Variants in ATP6V0D2 observed in about 807,000 individuals in gnomAD.
ATP6V0D2 encodes the protein ATPase H+ transporting V0 subunit d2.
ATP6V0D2 carries 40 observed loss-of-function variants against 40.0 expected under a neutral mutation model. That is an observed-to-expected ratio of 1.00 (90% CI 0.78 to 1.30). The LOEUF is 1.30. ATP6V0D2 is among the 50% of genes most tolerant of loss of function. ATP6V0D2 has a pLI of 0.00. For synonymous variants in ATP6V0D2, 179 were observed against 156.3 expected, an observed-to-expected ratio of 1.15 and a Z score of -1.08; for missense variants, 470 against 423.1, an observed-to-expected ratio of 1.11 and a Z score of -0.97.
rs768131338 is a variant in ATP6V0D2, at chr8:86,139,482, A to T, written c.328A>T (p.Ile110Phe). The T allele has an allele frequency of 1.9e-6, 3 of 1,612,110 alleles. No individual in the cohort carries two copies. Among genetic ancestry groups the T allele is most frequent in the African/African-American group, 2.7e-5 (2 of 74,812 alleles). The change falls in exon 3 of 8, where the codon ATT becomes TTT. Residue 110 changes from isoleucine (I) to phenylalanine (F), a missense_variant. By Grantham distance (21) the Ile-to-Phe change is conservative. Coordinates refer to ENST00000285393, the MANE Select transcript of ATP6V0D2 (RefSeq NM_152565.1). ...GTGCAGTTATATGATAGACAATGTG[A>T]TTCTGCTGATGAATGGTGCATTGCA... is the stretch of plus-strand genomic sequence containing the variant. ...MTCSYMIDNVILLMNGALQKK... is the reference protein window; with the variant it reads ...MTCSYMIDNVFLLMNGALQKK...
rs1818615481 is a variant in ATP6V0D2, at chr8:86,118,030, T to TTTTTTCTTTCTTTC, written c.302+4153_302+4166dup. 2.2e-5 allele frequency among the ~76,000 whole-genome samples: 3 copies of TTTTTTCTTTCTTTC among 137,842 alleles called. No individual in the cohort carries two copies. The South Asian group carries it at 7.8e-4, about 36-fold the overall frequency. 90.4% of individuals were successfully genotyped at this position (137,842 alleles called of 152,430 possible). A position where few individuals can be genotyped will look rare whatever the true frequency, so the allele number is the denominator to read the frequency against. On this transcript the variant is annotated intron_variant, in intron 2 of 7. Transcript: ENST00000285393. Reference sequence around the variant, plus strand: ...TCTTTCTTTCTTTCTTTCTTTCTTTTTTTTTCTTTCTTTCTTCTTTCTTTT... The same window carrying TTTTTTCTTTCTTTC: ...TCTTTCTTTCTTTCTTTCTTTCTTTTTTTTTCTTTCTTTCTTTTTCTTTCTTTCTTCTTTCTTTT...
In ATP6V0D2 at chr8:86,152,930, T is replaced by A. The variant is rs1477515842; in HGVS notation, c.1006T>A (p.Ser336Thr). Residue 336 changes from serine to threonine, a missense_variant, in exon 8 of 8, where the codon TCA (serine) becomes ACA (threonine). By Grantham distance (58) the Ser-to-Thr change is moderately conservative (BLOSUM62 1). Coordinates refer to ENST00000285393, the MANE Select transcript of ATP6V0D2 (RefSeq NM_152565.1). ...RNIVWIAECI[S>T]QRHRTKINSY... ...TATTGTGTGGATAGCAGAATGTATT[T>A]CACAGAGGCATCGAACTAAAATCAA... The A allele has an allele frequency of 6.2e-7, 1 of 1,611,206 alleles. No homozygotes were observed. The highest frequency in any genetic ancestry group is 1.1e-5 in the South Asian group (1 of 90,246).
At chr8:86,141,335 A>T (rs558179499) in intron 3 of ATP6V0D2, 115 bp from the exon 4 acceptor site, 1 of 662,136 alleles carries the variant, frequency 1.5e-6, no homozygotes, top group Admixed American at 2.5e-5. Context: ...ATGGATTGCA[A>T]CTCTGCAGTG....
chr8:86,120,529 T>A (rs1346963127), intron 2 of ATP6V0D2, among the ~76,000 whole-genome samples: 1 of 152,144 alleles, frequency 6.6e-6, no homozygotes. Flanking sequence ...TTCACCAGCC[T>A]GGGCAACACA....
chr8:86,139,497 G>T lies in ATP6V0D2; in HGVS notation c.343G>T (p.Gly115Cys), dbSNP rs753979431. 6.2e-7 allele frequency: 1 copy of T among 1,613,266 alleles called. No individual in the cohort carries two copies. Among genetic ancestry groups the T allele is most frequent in the South Asian group, 1.1e-5 (1 of 90,908 alleles). The change falls in exon 3 of 8, where the codon GGT (glycine) becomes TGT (cysteine). Residue 115 changes from glycine to cysteine, a missense_variant. By Grantham distance (159) the Gly-to-Cys change is radical (BLOSUM62 -3). Coordinates refer to ENST00000285393, the MANE Select transcript of ATP6V0D2 (RefSeq NM_152565.1). ...MIDNVILLMN[G>C]ALQKKSVKEI... ...AGACAATGTGATTCTGCTGATGAAT[G>T]GTGCATTGCAGAAAAAATCTGTGAA...
rs1819178287 is a variant in ATP6V0D2 at position 86,153,006 on chromosome 8, T to C, written c.*29T>C. On this transcript the variant is annotated 3_prime_UTR_variant, in exon 8 of 8. Coordinates refer to ENST00000285393, the MANE Select transcript of ATP6V0D2 (RefSeq NM_152565.1). ...AAGTAAGGTTCTCAAATGTAGAAAA[T>C]TATAAATGTTAAAAGGAAGTTATTG... 1 of 1,526,066 alleles carries C rather than the reference T, an allele frequency of 6.6e-7. No homozygotes were observed. The highest frequency in any genetic ancestry group is 8.8e-7 in the Non-Finnish European group (1 of 1,137,560). 94.5% of individuals were successfully genotyped at this position (1,526,066 alleles called of 1,614,324 possible). A position where few individuals can be genotyped will look rare whatever the true frequency, so the allele number is the denominator to read the frequency against.
chr8:86,151,512 C>T lies in ATP6V0D2; in HGVS notation c.863C>T (p.Thr288Ile). 6.2e-7 allele frequency: 1 copy of T among 1,607,956 alleles called. No individual in the cohort carries two copies. The highest frequency in any genetic ancestry group is 2.3e-5 in the East Asian group (1 of 44,430). ...FEAVGGSGGK[T>I]LEDVFYEREV... is the part of the protein sequence containing the mutation. ...GCTGTAGGTGGCAGTGGGGGAAAGA[C>T]ATTGGAGGACGTGTTTTACGAGCGT... The change falls in exon 7 of 8, where the codon ACA becomes ATA. Residue 288 changes from threonine to isoleucine, a missense_variant. Transcript: ENST00000285393.
In ATP6V0D2 at chr8:86,142,888, G is replaced by A; in HGVS notation, c.573G>A (p.Glu191=). The change falls in exon 5 of 8, where the codon GAG becomes GAA. Residue 191 remains glutamate (E), a synonymous_variant. Coordinates refer to ENST00000285393, the MANE Select transcript of ATP6V0D2 (RefSeq NM_152565.1). ...TTTTTCTTTTTAAGTCTTACCTTGA[G>A]GCATTCTATAAATTCTGTAAGAATC... ...LRNKLYKSYL[E]AFYKFCKNHG... The A allele has an allele frequency of 6.2e-7, 1 of 1,603,742 alleles. No homozygotes were observed.
intron 2 of ATP6V0D2, among the ~76,000 whole-genome samples, chr8:86,123,285 A>T (rs1003449604): frequency 6.6e-6 from 1 of 152,254 alleles, no homozygotes; most frequent in Non-Finnish European, 1.5e-5. Flanking sequence ...AAGTCCTTGT[A>T]GCTGCTAAGT....
chr8:86,122,453 G>C (rs1382761624), intron 2 of ATP6V0D2, among the ~76,000 whole-genome samples: 2 of 152,134 alleles, frequency 1.3e-5, no homozygotes, highest in African/African-American at 4.8e-5. Flanking sequence ...CTGTACATTA[G>C]GGTACTGAAC....
At chr8:86,125,458 C>T (rs543160031) in intron 2 of ATP6V0D2, among the ~76,000 whole-genome samples, 3 of 152,176 alleles carry the variant, frequency 2.0e-5, no homozygotes, top group Non-Finnish European at 2.9e-5. Flanking sequence ...AAAATAAGCA[C>T]GTGTGTTTAA....
intron 1 of ATP6V0D2, among the ~76,000 whole-genome samples, chr8:86,107,898 C>G (rs1818487276): frequency 6.6e-6 from 1 of 152,022 alleles, no homozygotes; most frequent in Non-Finnish European, 1.5e-5. Flanking sequence ...AATATATTAG[C>G]AAAAATGGAG....
chr8:86,147,821 C>T (rs1819091672), intron 5 of ATP6V0D2, among the ~76,000 whole-genome samples: 1 of 152,144 alleles, frequency 6.6e-6, no homozygotes, highest in South Asian at 2.1e-4. Flanking sequence ...GAACAGAGCA[C>T]ATGCACGGTA....
In ATP6V0D2 at chr8:86,145,302, AAAG is replaced by A. The variant is rs1563566273; in HGVS notation, c.639+2351_639+2353del. 1.6e-3 allele frequency among the ~76,000 whole-genome samples: 168 copies of A among 104,952 alleles called. 1 individual carries two copies. Among genetic ancestry groups the A allele is most frequent in the African/African-American group, 4.2e-3 (117 of 28,156 alleles). The allele number at this position is 104,952 out of a possible 152,430, so 68.9% of individuals were successfully genotyped here. The stretch of plus-strand genomic sequence containing the variant: ...GAAAGAAAGAAAGAAAGAAAGAAAG[AAAG>A]AAAGAAAAGAAAGAAGGAAAGAAGG... On this transcript the variant is annotated intron_variant, in intron 5 of 7. Coordinates refer to ENST00000285393, the MANE Select transcript of ATP6V0D2 (RefSeq NM_152565.1).
chr8:86,119,170 CT>C (rs1310225965), intron 2 of ATP6V0D2, among the ~76,000 whole-genome samples: 2 of 150,804 alleles, frequency 1.3e-5, no homozygotes. Flanking sequence ...GCTGTGAGTC[CT>C]TTGGTCAAAG....
Position 86,139,560 on chromosome 8 carries a change from A to G in ATP6V0D2, c.406A>G (p.Thr136Ala), listed in dbSNP as rs1818946057. The change falls in exon 3 of 8, where the codon ACA (threonine) becomes GCA (alanine). Residue 136 changes from threonine (T) to alanine (A), a missense_variant. Transcript: ENST00000285393. ...GAAGTGCCACCCCTTGGGCCGTTTC[A>G]CAGAAATGGAAGCTGTCAACATTGC... Reference protein sequence around the residue: ...LGKCHPLGRFTEMEAVNIAET... With the variant: ...LGKCHPLGRFAEMEAVNIAET... 6.2e-7 allele frequency: 1 copy of G among 1,613,906 alleles called. No individual in the cohort carries two copies. The highest frequency in any genetic ancestry group is 1.3e-5 in the African/African-American group (1 of 75,054).
At chr8:86,151,933 A>G (rs1175824605) in intron 7 of ATP6V0D2, among the ~76,000 whole-genome samples, 3 of 151,850 alleles carry the variant, frequency 2.0e-5, no homozygotes, top group Admixed American at 2.0e-4. Context: ...TAAAAAAAAA[A>G]TTGTGTTATA....
intron 1 of ATP6V0D2, among the ~76,000 whole-genome samples, chr8:86,106,276 G>A (rs1342997056): frequency 5.9e-5 from 9 of 152,044 alleles, no homozygotes; most frequent in Admixed American, 5.2e-4. Context: ...GGGACCACAG[G>A]TGCATGTCAC....
At chr8:86,139,727 G>C in intron 3 of ATP6V0D2, 92 bp downstream of exon 3, 1 of 1,383,776 alleles carries the variant, frequency 7.2e-7, no homozygotes, top group Non-Finnish European at 9.7e-7. Flanking sequence ...TGGTCCAAAA[G>C]AAAATGTACT....
Sources: allele counts gnomAD v4.1 joint callset (sites outside exome capture counted in the v4.1 genomes callset), GRCh38; gene constraint gnomAD v4.1.1; transcripts MANE v1.5; gene names NCBI Gene and HGNC (gene_info 2026-07-23, HGNC 2026-07-21).